HTR2C: variants seen among roughly 807,000 people sequenced by gnomAD.
HTR2C encodes the protein 5-hydroxytryptamine receptor 2C.
HTR2C carries 5 observed loss-of-function variants against 21.0 expected under a neutral mutation model. The observed-to-expected ratio is 0.24, with a 90% CI of 0.12 to 0.50. HTR2C has a LOEUF of 0.50. Ranked by LOEUF, HTR2C falls within the 20% of genes least tolerant of loss-of-function variation. The pLI, the probability that HTR2C is intolerant of heterozygous loss-of-function variation, is 0.98. For missense variants in HTR2C, 271 were observed against 371.2 expected (o/e 0.73, Z 2.22); for synonymous variants, 150 against 145.3 (o/e 1.03, Z -0.23).
At chrX:114,762,588 C>T (rs1374321090) in intron 4 of HTR2C, among the ~76,000 whole-genome samples, 4 of 111,747 alleles carry the variant, frequency 3.6e-5, no homozygotes, top group Non-Finnish European at 5.6e-5. Flanking sequence ...AGATAGATGG[C>T]ATATTAAGCC....
At chrX:114,606,318 T>A (rs1928427116) in intron 1 of HTR2C, among the ~76,000 whole-genome samples, 1 of 110,824 alleles carries the variant, frequency 9.0e-6, no homozygotes, top group Non-Finnish European at 1.9e-5. Context: ...GGGGTTGAGC[T>A]ACTTGCCCCT....
intron 5 of HTR2C, among the ~76,000 whole-genome samples, chrX:114,850,176 A>T (rs1411040483): frequency 9.0e-6 from 1 of 111,191 alleles, no homozygotes; most frequent in Non-Finnish European, 1.9e-5. Context: ...TGGGAGGCCG[A>T]TGCAGGCGGA....
intron 1 of HTR2C, among the ~76,000 whole-genome samples, chrX:114,605,270 T>G (rs1556396425): frequency 9.0e-6 from 1 of 110,843 alleles, no homozygotes; most frequent in African/African-American, 3.3e-5. Flanking sequence ...GGACCAGGTG[T>G]GAGGAGGGGA....
intron 4 of HTR2C, among the ~76,000 whole-genome samples, chrX:114,817,500 A>G (rs977651919): frequency 8.9e-6 from 1 of 112,256 alleles, no homozygotes; most frequent in Non-Finnish European, 1.9e-5. Flanking sequence ...TTGAAAATTA[A>G]CTAAATGCTT....
intron 4 of HTR2C, among the ~76,000 whole-genome samples, chrX:114,789,805 G>A (rs782327862): frequency 4.1e-4 from 46 of 111,023 alleles, no homozygotes; most frequent in Admixed American, 2.3e-3. Flanking sequence ...CTTGATATGC[G>A]GACTAAGGCA....
intron 2 of HTR2C, among the ~76,000 whole-genome samples, chrX:114,685,274 A>G (rs782006951): frequency 6.2e-5 from 7 of 112,149 alleles, no homozygotes; most frequent in Admixed American, 2.9e-4. Flanking sequence ...TCCCAGACTA[A>G]TTAAATCTTC....
At chrX:114,723,479 A>T (rs1207923096) in intron 2 of HTR2C, among the ~76,000 whole-genome samples, 5 of 110,875 alleles carry the variant, frequency 4.5e-5, no homozygotes, top group Non-Finnish European at 7.6e-5. Flanking sequence ...CCCGGATTCA[A>T]TAATTTTTTG....
At position 114,836,560 on chromosome X, in the gene HTR2C, C is replaced by T. The variant is rs782529138; in HGVS notation, c.350-11443C>T. ...AGTGAGGCAATGCCTCGCCCTGCTT[C>T]GGCTCGTGCACGGTGCGTGCACCCA... On this transcript the variant is annotated intron_variant, in intron 4 of 5. Transcript: ENST00000276198. Among the ~76,000 whole-genome samples the T allele has an allele frequency of 3.1e-4, 35 of 112,173 alleles. No homozygotes were observed. The South Asian group carries it at 7.4e-3, about 24-fold the overall frequency.
intron 2 of HTR2C, chrX:114,715,202 T>C (rs1932967099): frequency 3.0e-6 from 1 of 336,694 alleles, no homozygotes; most frequent in Admixed American, 2.7e-5. Flanking sequence ...ATATAGGATG[T>C]CTTGAAGCCG....
chrX:114,812,711 A>G (rs988078799), intron 4 of HTR2C, among the ~76,000 whole-genome samples: 10 of 106,407 alleles, frequency 9.4e-5, no homozygotes, highest in Non-Finnish European at 1.9e-4. Context: ...CCTGGGCGAC[A>G]GAGTGAGACT....
chrX:114,711,109 A>G (rs1602707689), intron 2 of HTR2C, among the ~76,000 whole-genome samples: 1 of 112,078 alleles, frequency 8.9e-6, no homozygotes, highest in Admixed American at 9.6e-5. Context: ...TATATTGCCA[A>G]TTCTTCTATC....
chrX:114,703,169 A>G (rs1290693703), intron 2 of HTR2C, among the ~76,000 whole-genome samples: 180 of 107,965 alleles, frequency 1.7e-3, no homozygotes, highest in African/African-American at 5.8e-3. Flanking sequence ...AAAGTTAACA[A>G]GGATACCCAG....
At chrX:114,728,002 C>T (rs1320902944) in intron 3 of HTR2C, among the ~76,000 whole-genome samples, 1 of 111,458 alleles carries the variant, frequency 9.0e-6, no homozygotes, top group African/African-American at 3.3e-5. Flanking sequence ...GCCCATATAC[C>T]AAAGTGTAGG....
chrX:114,600,740 A>G lies in HTR2C; in HGVS notation c.-146-13075A>G, dbSNP rs55794093. Among the ~76,000 whole-genome samples, 1,021 of 111,496 alleles carry G rather than the reference A, an allele frequency of 9.2e-3. 13 individuals are homozygous for G. Among genetic ancestry groups the G allele is most frequent in the African/African-American group, 0.031 (944 of 30,782 alleles). On this transcript the variant is annotated intron_variant, in intron 1 of 5. Coordinates refer to ENST00000276198, the MANE Select transcript of HTR2C (RefSeq NM_000868.4). Reference sequence around the variant, plus strand: ...CTTTTGTAGCATAATAAGTGATTCTATTTTAATCTAATTTCATATATAATA... The same window carrying G: ...CTTTTGTAGCATAATAAGTGATTCTGTTTTAATCTAATTTCATATATAATA...
chrX:114,654,189 A>T (rs1056727769), intron 2 of HTR2C, among the ~76,000 whole-genome samples: 1 of 109,568 alleles, frequency 9.1e-6, no homozygotes, highest in Non-Finnish European at 1.9e-5. Flanking sequence ...TTTGCTTATT[A>T]GTTACTGTAA....
chrX:114,646,084 G>A (rs782551966), intron 2 of HTR2C, among the ~76,000 whole-genome samples: 369 of 111,774 alleles, frequency 3.3e-3, no homozygotes, highest in African/African-American at 0.011. Context: ...ACCATTATGG[G>A]AGTAAATATT....
At chrX:114,697,730 T>TC (rs782364464) in intron 2 of HTR2C, among the ~76,000 whole-genome samples, 102 of 112,367 alleles carry the variant, frequency 9.1e-4, no homozygotes, top group African/African-American at 3.1e-3. Flanking sequence ...TAAGCTATCA[T>TC]CCTCATTACT....
chrX:114,815,453 A>G (rs145794931), intron 4 of HTR2C, among the ~76,000 whole-genome samples: 1 of 111,728 alleles, frequency 9.0e-6, no homozygotes, highest in East Asian at 2.8e-4. Flanking sequence ...AAAAAAATCT[A>G]AAGTCCTACC....
intron 4 of HTR2C, among the ~76,000 whole-genome samples, chrX:114,814,083 G>A (rs782143180): frequency 2.7e-5 from 3 of 110,488 alleles, no homozygotes; most frequent in Non-Finnish European, 5.7e-5. Flanking sequence ...TTGCCTGTGT[G>A]TACAGGAAGG....
Sources: allele counts gnomAD v4.1 joint callset (sites outside exome capture counted in the v4.1 genomes callset), GRCh38; gene constraint gnomAD v4.1.1; transcripts MANE v1.5; gene names NCBI Gene and HGNC (gene_info 2026-07-23, HGNC 2026-07-21).